The following USP6NL variants were observed in gnomAD, a reference collection of about 807,000 sequenced individuals.
USP6NL encodes USP6 N-terminal-like protein.
In USP6NL, 26 loss-of-function variants were observed where a neutral mutation model predicts 61.9. The observed-to-expected ratio is 0.42, with a 90% CI of 0.31 to 0.58. The LOEUF (loss-of-function observed/expected upper bound fraction) is 0.58, where lower values mean the gene tolerates loss of function less well. USP6NL is among the 20% of genes least tolerant of loss of function. The probability of loss-of-function intolerance (pLI) is 0.16; values close to 1 mark genes in which losing one functional copy is unlikely to be tolerated. For synonymous variants in USP6NL, 432 were observed against 390.1 expected (o/e 1.11, Z -1.27); for missense variants, 1,114 against 1,034.3 (o/e 1.08, Z -1.06).
Position 11,485,997 on chromosome 10 carries a change from CT to C in USP6NL, c.665-87del. On this transcript the variant is annotated intron_variant, in intron 10 of 14. Transcript: ENST00000609104. This position sits in a 1 kb window ranked among gnomAD's most constrained non-coding sequence, Gnocchi z 4.8. ...AAAACACAACATATTTCATTTGTAA[CT>C]GTCAAAAATAAAAAGAAACATTCAG... 2.1e-6 allele frequency: 2 copies of C among 962,418 alleles called. No homozygotes were observed. The highest frequency in any genetic ancestry group is 3.0e-6 in the Non-Finnish European group (2 of 673,414). The allele number at this position is 962,418 out of a possible 1,614,324, so 59.6% of individuals were successfully genotyped here.
rs1838193802 is a variant in USP6NL, at chr10:11,592,737, C to G, written c.4+4894G>C. On this transcript the variant is annotated intron_variant, in intron 2 of 14. Transcript: ENST00000609104. This position sits in a 1 kb window ranked among gnomAD's most constrained non-coding sequence, Gnocchi z 4.7. ...AGGCTACTGTCCTAGAGAGTTTTAGCCAGTACTTATGGGAAGTCTTCTGTT... is the reference window on the plus strand; with the variant it reads ...AGGCTACTGTCCTAGAGAGTTTTAGGCAGTACTTATGGGAAGTCTTCTGTT... Among the ~76,000 whole-genome samples, 1 of 152,170 alleles carries G rather than the reference C, an allele frequency of 6.6e-6. No homozygotes were observed. Among genetic ancestry groups the G allele is most frequent in the African/African-American group, 2.4e-5 (1 of 41,438 alleles).
chr10:11,526,089 C>T (rs868401160), intron 3 of USP6NL, among the ~76,000 whole-genome samples: 9 of 137,194 alleles, frequency 6.6e-5, no homozygotes, highest in African/African-American at 2.2e-4. Flanking sequence ...TCATGGTCTC[C>T]TCATGCTCCA....
intron 7 of USP6NL, among the ~76,000 whole-genome samples, chr10:11,500,400 T>C (rs1343094514): frequency 6.6e-6 from 1 of 152,212 alleles, no homozygotes; most frequent in Admixed American, 6.5e-5. Context: ...ATTAATTTTT[T>C]TGTACATATT....
rs116403209 is a variant in USP6NL, at chr10:11,462,687, C to T, written c.2241G>A (p.Thr747=). The change falls in exon 15 of 15, where the codon ACG becomes ACA. Residue 747 remains threonine, a synonymous_variant. Coordinates refer to ENST00000609104, the MANE Select transcript of USP6NL (RefSeq NM_014688.5). The part of the protein sequence containing the change: ...SEVSYTYRPE[T]QGQSWTRDAS... ...CATCTCGGGTCCATGATTGTCCCTG[C>T]GTCTCAGGTCTGTATGTATAACTAA... is the stretch of plus-strand genomic sequence containing the variant. 3,921 of 1,613,958 alleles carry T rather than the reference C, an allele frequency of 2.4e-3. 86 individuals carry two copies. The African/African-American group carries it at 0.047, about 19-fold the overall frequency.
chr10:11,569,598 G>A (rs138756981), intron 2 of USP6NL, among the ~76,000 whole-genome samples: 188 of 152,304 alleles, frequency 1.2e-3, no homozygotes, highest in African/African-American at 4.3e-3. Flanking sequence ...GAGTGGCACT[G>A]GAACCCGAAG....
Position 11,509,658 on chromosome 10 carries a change from A to C in USP6NL, c.213T>G (p.Ile71Met). ...TTTTCAGCCATTTGGTAGTTCTTTC[A>C]ATTTCCAGGTGCTTTTGCTAAAATA... ...VAVERQKHLE[I>M]ERTTKWLKML... The change falls in exon 6 of 15, where the codon ATT becomes ATG. Residue 71 changes from isoleucine (I) to methionine (M), a missense_variant. Coordinates refer to ENST00000609104, the MANE Select transcript of USP6NL (RefSeq NM_014688.5). 2 of 1,566,784 alleles carry C rather than the reference A, an allele frequency of 1.3e-6. No homozygotes were observed. Among genetic ancestry groups the C allele is most frequent in the Admixed American group, 1.9e-5 (1 of 52,654 alleles).
rs988278275 is a variant in USP6NL at position 11,475,337 on chromosome 10, G to C, written c.1078+6433C>G. 2.0e-5 allele frequency among the ~76,000 whole-genome samples: 3 copies of C among 151,454 alleles called. No homozygotes were observed. In the South Asian group the frequency reaches 6.2e-4, roughly 31 times the overall value. On this transcript the variant is annotated intron_variant, in intron 14 of 14. Transcript: ENST00000609104. ...AAAAATGTAAAAGAGGCTGGGTGCG[G>C]TGGCTCACGCCTGTAATCCCAGCAC... is the stretch of plus-strand genomic sequence containing the variant.
At chr10:11,486,491 A>G (rs944845659) in intron 10 of USP6NL, among the ~76,000 whole-genome samples, 2 of 152,190 alleles carry the variant, frequency 1.3e-5, no homozygotes, top group Non-Finnish European at 2.9e-5. Context: ...AATATAATCT[A>G]TATCTAAGAA....
At chr10:11,554,155 A>G (rs1288130498) in intron 2 of USP6NL, among the ~76,000 whole-genome samples, 1 of 152,178 alleles carries the variant, frequency 6.6e-6, no homozygotes, top group Non-Finnish European at 1.5e-5. Flanking sequence ...GGTGCAAGAG[A>G]GCAGAGTACA....
At chr10:11,508,728 A>C (rs1487205066) in intron 6 of USP6NL, among the ~76,000 whole-genome samples, 1 of 152,272 alleles carries the variant, frequency 6.6e-6, no homozygotes, top group Admixed American at 6.5e-5. Flanking sequence ...TGTGCTGCAC[A>C]ACCAAGTGCA....
chr10:11,513,681 G>A lies in USP6NL; in HGVS notation c.196-4006C>T, dbSNP rs1398295160. On this transcript the variant is annotated intron_variant, in intron 5 of 14. Transcript: ENST00000609104. The surrounding 1 kb of genome is among the most constrained non-coding windows in gnomAD (Gnocchi z 4.7). The stretch of plus-strand genomic sequence containing the variant: ...TTTCAAGTACGTATCGCCTAAGAAT[G>A]AAAACACATTATCCTACATGATTAC... Among the ~76,000 whole-genome samples, 1 of 152,182 alleles carries A rather than the reference G, an allele frequency of 6.6e-6. No individual in the cohort carries two copies. The highest frequency in any genetic ancestry group is 2.4e-5 in the African/African-American group (1 of 41,438).
Position 11,589,949 on chromosome 10 carries a change from C to T in USP6NL, c.4+7682G>A, listed in dbSNP as rs1838107381. Reference sequence around the variant, plus strand: ...AGAGGGAAAAGACAGCACTCTACTACCAACTGCCTGCACAACGGCCATTAT... The same window carrying T: ...AGAGGGAAAAGACAGCACTCTACTATCAACTGCCTGCACAACGGCCATTAT... On this transcript the variant is annotated intron_variant, in intron 2 of 14. Transcript: ENST00000609104. The surrounding 1 kb of genome is among the most constrained non-coding windows in gnomAD (Gnocchi z 4.7). Among the ~76,000 whole-genome samples, 1 of 152,162 alleles carries T rather than the reference C, an allele frequency of 6.6e-6. No individual in the cohort carries two copies. The highest frequency in any genetic ancestry group is 6.5e-5 in the Admixed American group (1 of 15,274).
rs1364308459 is a variant in USP6NL, at chr10:11,611,396, C to G, written c.-84+47G>C. ...GGCCCGGGGAGGACGCCCGCGGAGC[C>G]CGCCGCCGCCGGCCCCTCACGGCGG... On this transcript the variant is annotated intron_variant, in intron 1 of 14. Transcript: ENST00000609104. The surrounding 1 kb of genome is among the most constrained non-coding windows in gnomAD (Gnocchi z 5.3). 6.6e-6 allele frequency: 1 copy of G among 152,388 alleles called. No individual in the cohort carries two copies. Among genetic ancestry groups the G allele is most frequent in the African/African-American group, 2.4e-5 (1 of 41,402 alleles). 9.4% of individuals were successfully genotyped at this position (152,388 alleles called of 1,614,324 possible).
chr10:11,511,024 C>T lies in USP6NL; in HGVS notation c.196-1349G>A, dbSNP rs1834691343. Among the ~76,000 whole-genome samples, 1 of 152,176 alleles carries T rather than the reference C, an allele frequency of 6.6e-6. No homozygotes were observed. Among genetic ancestry groups the T allele is most frequent in the Non-Finnish European group, 1.5e-5 (1 of 68,026 alleles). On this transcript the variant is annotated intron_variant, in intron 5 of 14. Coordinates refer to ENST00000609104, the MANE Select transcript of USP6NL (RefSeq NM_014688.5). This position sits in a 1 kb window ranked among gnomAD's most constrained non-coding sequence, Gnocchi z 4.9. ...AGGCAGACATTATGCTGGCAGATGG[C>T]ATATATGCCTCACCACCACTATTTT...
In USP6NL at chr10:11,470,081, C is replaced by T. The variant is rs976517899; in HGVS notation, c.1079-6232G>A. Reference sequence around the variant, plus strand: ...CGGGGCAGCGCTGTGGAGGTAGTAACGCTGTGCCTCTCATGAGGAGGAGAA... The same window carrying T: ...CGGGGCAGCGCTGTGGAGGTAGTAATGCTGTGCCTCTCATGAGGAGGAGAA... On this transcript the variant is annotated intron_variant, in intron 14 of 14. Coordinates refer to ENST00000609104, the MANE Select transcript of USP6NL (RefSeq NM_014688.5). This position sits in a 1 kb window ranked among gnomAD's most constrained non-coding sequence, Gnocchi z 5.4. Among the ~76,000 whole-genome samples the T allele has an allele frequency of 2.0e-5, 3 of 152,152 alleles. No homozygotes were observed. Among genetic ancestry groups the T allele is most frequent in the Non-Finnish European group, 1.5e-5 (1 of 68,026 alleles).
At chr10:11,472,805 G>T (rs1401826273) in intron 14 of USP6NL, among the ~76,000 whole-genome samples, 2 of 152,094 alleles carry the variant, frequency 1.3e-5, no homozygotes, top group Non-Finnish European at 2.9e-5. Context: ...TTATAGTTGG[G>T]TTCATAGGCT....
rs1836359392 is a variant in USP6NL, at chr10:11,548,352, C to T, written c.5-20785G>A. On this transcript the variant is annotated intron_variant, in intron 2 of 14. Coordinates refer to ENST00000609104, the MANE Select transcript of USP6NL (RefSeq NM_014688.5). This position sits in a 1 kb window ranked among gnomAD's most constrained non-coding sequence, Gnocchi z 4.3. ...GCAAACAAATATCCACTTTTATTTTCTGGCTGTTAAGTCAATTTAATGGGT... is the reference window on the plus strand; with the variant it reads ...GCAAACAAATATCCACTTTTATTTTTTGGCTGTTAAGTCAATTTAATGGGT... Among the ~76,000 whole-genome samples the T allele has an allele frequency of 6.6e-6, 1 of 152,178 alleles. No individual in the cohort carries two copies. The highest frequency in any genetic ancestry group is 2.4e-5 in the African/African-American group (1 of 41,444).
At chr10:11,581,373 A>C (rs1017216603) in intron 2 of USP6NL, among the ~76,000 whole-genome samples, 6 of 152,268 alleles carry the variant, frequency 3.9e-5, no homozygotes, top group Admixed American at 3.9e-4. Context: ...CAAAAAACAC[A>C]GACAAGAATA....
In USP6NL at chr10:11,478,985, T is replaced by C. The variant is rs747330793; in HGVS notation, c.1078+2785A>G. The stretch of plus-strand genomic sequence containing the variant: ...CAAAATGTAATGTAATAAATGCCAC[T>C]AATCCACATGACTAATGGTTTGGAA... On this transcript the variant is annotated intron_variant, in intron 14 of 14. Coordinates refer to ENST00000609104, the MANE Select transcript of USP6NL (RefSeq NM_014688.5). This position sits in a 1 kb window ranked among gnomAD's most constrained non-coding sequence, Gnocchi z 6.8. Among the ~76,000 whole-genome samples the C allele has an allele frequency of 1.3e-5, 2 of 151,968 alleles. No individual in the cohort carries two copies. The highest frequency in any genetic ancestry group is 2.4e-5 in the African/African-American group (1 of 41,444).
Sources: gnomAD v4.1 joint callset for allele counts (sites outside exome capture counted in the v4.1 genomes callset) on GRCh38, gnomAD v4.1.1 for gene constraint, Gnocchi (gnomAD v3.1) non-coding constraint, MANE v1.5 for transcripts, NCBI Gene and HGNC (gene_info 2026-07-23, HGNC 2026-07-21) for gene names.